The following SLC15A4 variants were observed in gnomAD, a reference collection of about 807,000 sequenced individuals.
The protein encoded by SLC15A4 is hPHT1.
Under a neutral mutation model 46.1 loss-of-function variants are expected in SLC15A4, and 26 were observed. The ratio of observed to expected loss-of-function variants is 0.56; its 90% CI spans 0.41 to 0.78. SLC15A4 has a LOEUF of 0.78. SLC15A4 is among the 30% of genes least tolerant of loss of function. SLC15A4 has a pLI of 0.00. For missense variants in SLC15A4, 751 were observed against 755.7 expected (o/e 0.99, Z 0.07); for synonymous variants, 370 against 333.4 (o/e 1.11, Z -1.20).
At position 128,814,881 on chromosome 12, in the gene SLC15A4, C is replaced by A. The variant is rs754716226; in HGVS notation, c.736G>T (p.Val246Phe). Residue 246 changes from valine to phenylalanine, a missense_variant, in exon 2 of 8, where the codon GTT becomes TTT. Coordinates refer to ENST00000266771, the MANE Select transcript of SLC15A4 (RefSeq NM_145648.4). ...AFVVFLCGQS[V>F]FITKPPDGSA... The stretch of plus-strand genomic sequence containing the variant: ...CCATCAGGAGGCTTGGTGATGAAAA[C>A]GCTCTGGCCACAGAGGAAGACCACA... The A allele has an allele frequency of 6.2e-6, 10 of 1,614,114 alleles. No individual in the cohort carries two copies. The highest frequency in any genetic ancestry group is 7.6e-6 in the Non-Finnish European group (9 of 1,180,026).
chr12:128,823,493 G>T lies in SLC15A4; in HGVS notation c.451C>A (p.Arg151Ser). Residue 151 changes from arginine to serine, a missense_variant, in exon 1 of 8, where the codon CGC becomes AGC. By Grantham distance (110) the Arg-to-Ser change is moderately radical. Coordinates refer to ENST00000266771, the MANE Select transcript of SLC15A4 (RefSeq NM_145648.4). ...GCGAAGGTGGCCGGTGAGCAGCAGC[G>T]GGCGGCGGCGTCGGGACCAGGCGCC... ...CTAPGPDAAA[R>S]CCSPATFAGL... 2 of 1,485,096 alleles carry T rather than the reference G, an allele frequency of 1.3e-6. No homozygotes were observed. Among genetic ancestry groups the T allele is most frequent in the Non-Finnish European group, 1.8e-6 (2 of 1,124,790 alleles). The allele number at this position is 1,485,096 out of a possible 1,614,324, so 92.0% of individuals were successfully genotyped here. A position where few individuals can be genotyped will look rare whatever the true frequency, so the allele number is the denominator to read the frequency against.
chr12:128,802,587 G>A (rs1460439584), intron 5 of SLC15A4, among the ~76,000 whole-genome samples: 2 of 152,184 alleles, frequency 1.3e-5, no homozygotes, highest in Non-Finnish European at 2.9e-5. Context: ...GTGTCTGCAG[G>A]GGGCGGGACA....
At chr12:128,813,131 G>A (rs1211008909) in intron 2 of SLC15A4, 1 of 151,758 alleles carries the variant, frequency 6.6e-6, no homozygotes, top group Non-Finnish European at 1.5e-5. Context: ...CACTGCTTTT[G>A]TCTGATCAAA....
chr12:128,795,207 C>T (rs1461162007), intron 7 of SLC15A4, among the ~76,000 whole-genome samples: 2 of 151,980 alleles, frequency 1.3e-5, no homozygotes, highest in South Asian at 2.1e-4. Context: ...ACACCAGGGC[C>T]GACAGCTGGG....
Position 128,823,740 on chromosome 12 carries a change from G to A in SLC15A4, c.204C>T (p.Cys68=). Residue 68 remains cysteine, a synonymous_variant, in exon 1 of 8, where the codon TGC becomes TGT. Coordinates refer to ENST00000266771, the MANE Select transcript of SLC15A4 (RefSeq NM_145648.4). ...LVLFLNGAPF[C]WEGAQASEAL... ...CCTCGCTGGCCTGCGCGCCCTCCCA[G>A]CAGAACGGCGCCCCGTTCAGGAATA... The A allele has an allele frequency of 6.5e-7, 1 of 1,539,614 alleles. No homozygotes were observed. The highest frequency in any genetic ancestry group is 1.2e-5 in the South Asian group (1 of 83,932).
rs1401115659 is a variant in SLC15A4 at position 128,814,898 on chromosome 12, A to G, written c.719T>C (p.Phe240Ser). 1 of 1,614,186 alleles carries G rather than the reference A, an allele frequency of 6.2e-7. No individual in the cohort carries two copies. Among genetic ancestry groups the G allele is most frequent in the Non-Finnish European group, 8.5e-7 (1 of 1,180,048 alleles). ...TVCVGLAFVV[F>S]LCGQSVFITK... ...GATGAAAACGCTCTGGCCACAGAGG[A>G]AGACCACAAAAGCAAGGCCGACGCA... The change falls in exon 2 of 8, where the codon TTC (phenylalanine) becomes TCC (serine). Residue 240 changes from phenylalanine to serine, a missense_variant. By Grantham distance (155) the Phe-to-Ser change is radical. Coordinates refer to ENST00000266771, the MANE Select transcript of SLC15A4 (RefSeq NM_145648.4).
intron 1 of SLC15A4, among the ~76,000 whole-genome samples, chr12:128,820,893 C>T (rs1955825608): frequency 6.6e-6 from 1 of 152,190 alleles, no homozygotes; most frequent in Non-Finnish European, 1.5e-5. Context: ...GAAATGTGAT[C>T]CCCAGTGCTT....
At chr12:128,800,803 C>T (rs113048899) in intron 6 of SLC15A4, 51 bp downstream of exon 6, 385 of 1,544,218 alleles carry the variant, frequency 2.5e-4, no homozygotes, top group African/African-American at 1.6e-3. Context: ...AATGCCCGAG[C>T]GCTCACGCTT....
chr12:128,807,636 G>A (rs1386024556), intron 5 of SLC15A4, among the ~76,000 whole-genome samples: 5 of 152,188 alleles, frequency 3.3e-5, no homozygotes, highest in East Asian at 1.9e-4. Context: ...TTCTGCAGGC[G>A]CACTCTGCTG....
chr12:128,811,816 T>C (rs1178261800), intron 2 of SLC15A4, among the ~76,000 whole-genome samples: 1 of 152,250 alleles, frequency 6.6e-6, no homozygotes, highest in Non-Finnish European at 1.5e-5. Context: ...ACTTTCGCTT[T>C]ATGTAATTAA....
At chr12:128,812,309 CT>C (rs372071690) in intron 2 of SLC15A4, among the ~76,000 whole-genome samples, 11,018 of 150,172 alleles carry the variant, frequency 0.073, 452 homozygotes, top group East Asian at 0.12. Flanking sequence ...GGAGGCCCAA[CT>C]TTTTTTTTTT....
In SLC15A4 at chr12:128,823,576, A is replaced by C; in HGVS notation, c.368T>G (p.Leu123Arg). 1 of 1,443,910 alleles carries C rather than the reference A, an allele frequency of 6.9e-7. No individual in the cohort carries two copies. The highest frequency in any genetic ancestry group is 9.0e-7 in the Non-Finnish European group (1 of 1,106,206). 89.4% of individuals were successfully genotyped at this position (1,443,910 alleles called of 1,614,324 possible). Residue 123 changes from leucine (L) to arginine (R), a missense_variant, in exon 1 of 8, where the codon CTG becomes CGG. Leu to Arg is a moderately radical substitution (Grantham distance 102). Transcript: ENST00000266771. ...YLLGMLAFPL[L>R]AAPATRAALC... is the part of the protein sequence containing the mutation. ...CGCGGCTCGCGTGGCGGGCGCGGCC[A>C]GCAGCGGGAAGGCCAGCATGCCCAG...
chr12:128,799,253 T>G lies in SLC15A4; in HGVS notation c.1573+6A>C. On this transcript the variant is annotated splice_donor_region_variant and intron_variant, in intron 7 of 7. Transcript: ENST00000266771. ...TTTTCAAAAGGGACAGGATGCTGGC[T>G]CTTACCAAAGTCTGTGTGACTGCTC... 6.2e-7 allele frequency: 1 copy of G among 1,614,104 alleles called. No homozygotes were observed. Among genetic ancestry groups the G allele is most frequent in the Non-Finnish European group, 8.5e-7 (1 of 1,180,010 alleles).
At chr12:128,804,944 G>A (rs1303714796) in intron 5 of SLC15A4, among the ~76,000 whole-genome samples, 1 of 152,122 alleles carries the variant, frequency 6.6e-6, no homozygotes, top group Non-Finnish European at 1.5e-5. Context: ...GCAGACGAAG[G>A]CCGATTCTAG....
chr12:128,801,026 G>A lies in SLC15A4; in HGVS notation c.1259-17C>T, dbSNP rs147699964. The A allele has an allele frequency of 1.6e-3, 2,472 of 1,585,648 alleles. 24 individuals carry two copies. The African/African-American group carries it at 0.028, about 18-fold the overall frequency. ...CCAAAATTCCTAGAATTCAAAAGTA[G>A]GTTAGTGTAATATTCATTTATTAAC... On this transcript the variant is annotated splice_polypyrimidine_tract_variant and intron_variant, in intron 5 of 7. Coordinates refer to ENST00000266771, the MANE Select transcript of SLC15A4 (RefSeq NM_145648.4).
intron 2 of SLC15A4, chr12:128,813,557 T>C (rs547148627): frequency 1.3e-5 from 2 of 152,338 alleles, no homozygotes; most frequent in East Asian, 1.9e-4. Flanking sequence ...ACACATTCGC[T>C]ACGGCTCCAA....
At chr12:128,806,997 G>A (rs1021873644) in intron 5 of SLC15A4, among the ~76,000 whole-genome samples, 4 of 138,952 alleles carry the variant, frequency 2.9e-5, no homozygotes, top group Admixed American at 8.2e-5. Flanking sequence ...TCCACCTCCC[G>A]GTTCAAGCGA....
intron 5 of SLC15A4, among the ~76,000 whole-genome samples, chr12:128,804,061 T>G (rs1378370965): frequency 6.6e-6 from 1 of 152,192 alleles, no homozygotes; most frequent in African/African-American, 2.4e-5. Context: ...AAGACCTAAT[T>G]AATACCGTTG....
intron 1 of SLC15A4, among the ~76,000 whole-genome samples, chr12:128,821,553 T>A (rs889682644): frequency 1.3e-5 from 2 of 152,180 alleles, no homozygotes; most frequent in African/African-American, 4.8e-5. Context: ...TTTCATAAAA[T>A]TTTCACTGGT....
Sources: gnomAD v4.1 joint callset for allele counts (sites outside exome capture counted in the v4.1 genomes callset) on GRCh38, gnomAD v4.1.1 for gene constraint, MANE v1.5 for transcripts, NCBI Gene and HGNC (gene_info 2026-07-23, HGNC 2026-07-21) for gene names.